The following RRAS2 variants were observed in gnomAD, a reference collection of about 807,000 sequenced individuals.
RRAS2 encodes the protein ras-related protein R-Ras2.
RRAS2 carries 7 observed loss-of-function variants against 27.6 expected under a neutral mutation model. That is an observed-to-expected ratio of 0.25 (90% confidence interval 0.14 to 0.48). The LOEUF (loss-of-function observed/expected upper bound fraction) is 0.48, where lower values mean the gene tolerates loss of function less well. RRAS2 is among the 20% of genes least tolerant of loss of function. The pLI is 0.99. For missense variants in RRAS2, 178 were observed against 256.2 expected, an observed-to-expected ratio of 0.69 and a Z score of 2.08; for synonymous variants, 86 against 90.9, an observed-to-expected ratio of 0.95 and a Z score of 0.31.
chr11:14,315,572 A>C (rs1460053928), intron 1 of RRAS2, among the ~76,000 whole-genome samples: 1 of 152,256 alleles, frequency 6.6e-6, no homozygotes, highest in African/African-American at 2.4e-5. Flanking sequence ...AAACCTGAAT[A>C]AAGTATAGAC....
intron 1 of RRAS2, among the ~76,000 whole-genome samples, chr11:14,353,946 TAAA>T (rs1324308893): frequency 6.6e-6 from 1 of 152,190 alleles, no homozygotes; most frequent in African/African-American, 2.4e-5. Context: ...ACATTAATGT[TAAA>T]AAAGTTTAAA....
At chr11:14,306,894 A>T (rs1847843705) in intron 1 of RRAS2, among the ~76,000 whole-genome samples, 2 of 141,526 alleles carry the variant, frequency 1.4e-5, no homozygotes, top group African/African-American at 2.8e-5. Flanking sequence ...GCCAAGATAA[A>T]AAAAAAAAAA....
chr11:14,331,669 C>T (rs774911812), intron 1 of RRAS2, among the ~76,000 whole-genome samples: 68 of 112,136 alleles, frequency 6.1e-4, no homozygotes, highest in Non-Finnish European at 9.7e-4. Context: ...AGATCCCCAA[C>T]TCTTAAAAAA....
At chr11:14,342,145 T>A (rs1848724542) in intron 1 of RRAS2, 1 of 197,658 alleles carries the variant, frequency 5.1e-6, no homozygotes, top group African/African-American at 2.3e-5. Context: ...TCCTCCCAGA[T>A]TCAAATTGTT....
chr11:14,301,468 T>C (rs1415565539), intron 1 of RRAS2, among the ~76,000 whole-genome samples: 2 of 152,182 alleles, frequency 1.3e-5, no homozygotes, highest in African/African-American at 2.4e-5. Context: ...ACACCACATA[T>C]ATCTTATCTA....
chr11:14,358,167 G>A lies in RRAS2; in HGVS notation c.108+596C>T. 2.1e-6 allele frequency: 2 copies of A among 944,632 alleles called. No homozygotes were observed. The highest frequency in any genetic ancestry group is 2.5e-6 in the Non-Finnish European group (2 of 792,742). 58.5% of individuals were successfully genotyped at this position (944,632 alleles called of 1,614,324 possible). On this transcript the variant is annotated intron_variant, in intron 1 of 5. Transcript: ENST00000256196. This position sits in a 1 kb window ranked among gnomAD's most constrained non-coding sequence, Gnocchi z 5.1. ...CTTCCTAGAAGCCACCATTTCCCCG[G>A]GGCATTATCACACACTCCCACCCGG...
In RRAS2 at chr11:14,301,777, G is replaced by A. The variant is rs1390150168; in HGVS notation, c.109-5922C>T. On this transcript the variant is annotated intron_variant, in intron 1 of 5. Transcript: ENST00000256196. ...GTGGATCACCTGAGGTCAGGAGTTC[G>A]AGACCAGCCTGGCCAACATGGTGAA... is the stretch of plus-strand genomic sequence containing the variant. Among the ~76,000 whole-genome samples the A allele has an allele frequency of 2.8e-4, 42 of 152,002 alleles. 2 individuals are homozygous for A. Among genetic ancestry groups the A allele is most frequent in the Admixed American group, 2.8e-3 (42 of 15,268 alleles).
At chr11:14,293,124 A>AGTATATATATATATATAT (rs1376616443) in intron 4 of RRAS2, among the ~76,000 whole-genome samples, 5 of 76,800 alleles carry the variant, frequency 6.5e-5, no homozygotes, top group Admixed American at 1.5e-4. Context: ...AAACAAAACA[A>AGTATATATATATATATAT]ATATATATAT....
intron 4 of RRAS2, among the ~76,000 whole-genome samples, chr11:14,286,028 G>C (rs1554944987): frequency 6.6e-6 from 1 of 152,162 alleles, no homozygotes; most frequent in African/African-American, 2.4e-5. Context: ...ATCCCATCCA[G>C]TGCATTTTTC....
intron 1 of RRAS2, among the ~76,000 whole-genome samples, chr11:14,298,415 G>C (rs1315117808): frequency 6.6e-6 from 1 of 152,190 alleles, no homozygotes; most frequent in Non-Finnish European, 1.5e-5. Context: ...ATGCACAAAA[G>C]ATTGTTGGTT....
intron 1 of RRAS2, among the ~76,000 whole-genome samples, chr11:14,322,084 TCTAA>T (rs1487144768): frequency 1.3e-5 from 2 of 151,982 alleles, no homozygotes; most frequent in African/African-American, 4.8e-5. Context: ...GAGATCACAA[TCTAA>T]CTGTCAAGAC....
Position 14,283,865 on chromosome 11 carries a change from A to T in RRAS2, c.409-2145T>A, listed in dbSNP as rs967396264. ...AGCCAGTTTAGGGTTTTTATTTTTT[A>T]TTTTTTTTGGTAGAGGTGGGGTCTC... On this transcript the variant is annotated intron_variant, in intron 4 of 5. Coordinates refer to ENST00000256196, the MANE Select transcript of RRAS2 (RefSeq NM_012250.6). Among the ~76,000 whole-genome samples, 22 of 151,168 alleles carry T rather than the reference A, an allele frequency of 1.5e-4. No homozygotes were observed. In the South Asian group the frequency reaches 1.9e-3, roughly 13 times the overall value.
intron 1 of RRAS2, among the ~76,000 whole-genome samples, chr11:14,315,377 C>A (rs1554949379): frequency 6.6e-6 from 1 of 152,202 alleles, no homozygotes; most frequent in Non-Finnish European, 1.5e-5. Flanking sequence ...ATGAGAAGAA[C>A]ACTAGACACA....
chr11:14,328,909 C>G (rs781926897), intron 1 of RRAS2, among the ~76,000 whole-genome samples: 8 of 151,574 alleles, frequency 5.3e-5, no homozygotes, highest in Admixed American at 2.0e-4. Context: ...GGTGATCCAC[C>G]GGCCTCGGCC....
intron 1 of RRAS2, among the ~76,000 whole-genome samples, chr11:14,353,572 G>A (rs1849010294): frequency 6.7e-6 from 1 of 148,982 alleles, no homozygotes; most frequent in Non-Finnish European, 1.5e-5. Flanking sequence ...ACTCTAGCCT[G>A]AACAAGAGCG....
At chr11:14,280,072 T>A (rs782699348) in intron 5 of RRAS2, among the ~76,000 whole-genome samples, 4 of 152,214 alleles carry the variant, frequency 2.6e-5, no homozygotes, top group Non-Finnish European at 5.9e-5. Flanking sequence ...ATAATTATTT[T>A]AAGAAGGCAC....
At chr11:14,298,201 T>A (rs1451236377) in intron 1 of RRAS2, among the ~76,000 whole-genome samples, 3 of 152,246 alleles carry the variant, frequency 2.0e-5, no homozygotes, top group Admixed American at 2.0e-4. Context: ...TTTCCCCATA[T>A]GCCATGCTTT....
intron 1 of RRAS2, among the ~76,000 whole-genome samples, chr11:14,316,540 G>T (rs1554949567): frequency 6.6e-6 from 1 of 152,210 alleles, no homozygotes; most frequent in Non-Finnish European, 1.5e-5. Flanking sequence ...AGGAGTTCAA[G>T]ACTGGCCTAG....
At chr11:14,300,397 C>G (rs1380895145) in intron 1 of RRAS2, among the ~76,000 whole-genome samples, 1 of 152,024 alleles carries the variant, frequency 6.6e-6, no homozygotes, top group African/African-American at 2.4e-5. Flanking sequence ...CTGGGCAACC[C>G]CCATCTCTAC....
Sources: gnomAD v4.1 joint callset for allele counts (sites outside exome capture counted in the v4.1 genomes callset) on GRCh38, gnomAD v4.1.1 for gene constraint, Gnocchi (gnomAD v3.1) non-coding constraint, MANE v1.5 for transcripts, NCBI Gene and HGNC (gene_info 2026-07-23, HGNC 2026-07-21) for gene names.